Variants in TLL1 observed in about 807,000 individuals in gnomAD.
TLL1 encodes the protein tolloid-like protein 1.
A neutral mutation model predicts 128.2 loss-of-function variants in TLL1; 49 were observed. The ratio of observed to expected loss-of-function variants is 0.38; its 90% CI spans 0.30 to 0.48. The LOEUF (loss-of-function observed/expected upper bound fraction) is 0.48. TLL1 is among the 20% of genes least tolerant of loss of function. TLL1 has a pLI of 0.96. For missense variants in TLL1, 1,123 were observed against 1,242.0 expected (o/e 0.90, Z 1.44); for synonymous variants, 454 against 418.8 (o/e 1.08, Z -1.03).
chr4:166,059,952 A>C, intron 14 of TLL1, 76 bp from the exon 15 acceptor site: 3 of 1,532,448 alleles, frequency 2.0e-6, no homozygotes, highest in Non-Finnish European at 2.7e-6. Context: ...ATGTTTGGGT[A>C]TTAATTAATG....
intron 12 of TLL1, 52 bp from the exon 13 acceptor site, chr4:166,055,024 T>A: frequency 2.7e-6 from 4 of 1,472,758 alleles, no homozygotes; most frequent in Non-Finnish European, 3.7e-6. Flanking sequence ...TCCTCCTATA[T>A]AAAATGTTTT....
At chr4:165,958,235 A>G (rs1378869795) in intron 1 of TLL1, among the ~76,000 whole-genome samples, 6 of 143,132 alleles carry the variant, frequency 4.2e-5, no homozygotes, top group Non-Finnish European at 9.0e-5. Context: ...CAGTAATGGG[A>G]TGGCTGGGTC....
At chr4:165,918,877 G>A (rs1035640312) in intron 1 of TLL1, among the ~76,000 whole-genome samples, 6 of 152,024 alleles carry the variant, frequency 3.9e-5, no homozygotes, top group Non-Finnish European at 8.8e-5. Context: ...GAAGACCCTG[G>A]CGTAGCTCCA....
At chr4:165,942,102 G>A (rs1734042285) in intron 1 of TLL1, among the ~76,000 whole-genome samples, 1 of 151,984 alleles carries the variant, frequency 6.6e-6, no homozygotes, top group Non-Finnish European at 1.5e-5. Context: ...CTCAAATCAT[G>A]GTTTCTTCAT....
chr4:166,005,195 T>A (rs933361902), intron 6 of TLL1, among the ~76,000 whole-genome samples: 1 of 152,014 alleles, frequency 6.6e-6, no homozygotes, highest in African/African-American at 2.4e-5. Flanking sequence ...AACAGCATGT[T>A]TTTGAGAAAG....
chr4:165,971,551 A>G lies in TLL1; in HGVS notation c.170-17830A>G, dbSNP rs145636799. ...CAGCATTAGCTTAAAATTCAGTGGC[A>G]TTCTTGCCATGGCTTCTGGTAGAAA... On this transcript the variant is annotated intron_variant, in intron 1 of 20. Coordinates refer to ENST00000061240, the MANE Select transcript of TLL1 (RefSeq NM_012464.5). 1.2e-4 allele frequency among the ~76,000 whole-genome samples: 18 copies of G among 152,236 alleles called. No individual in the cohort carries two copies. In the East Asian group the frequency reaches 3.5e-3, roughly 29 times the overall value.
At chr4:165,961,727 C>T (rs758848981) in intron 1 of TLL1, among the ~76,000 whole-genome samples, 43 of 152,036 alleles carry the variant, frequency 2.8e-4, no homozygotes, top group Non-Finnish European at 3.5e-4. Context: ...GGAAAGGACA[C>T]CTTATTAAAT....
Position 165,961,290 on chromosome 4 carries a change from A to G in TLL1, c.170-28091A>G, listed in dbSNP as rs1209915343. 2.0e-5 allele frequency among the ~76,000 whole-genome samples: 3 copies of G among 152,188 alleles called. No individual in the cohort carries two copies. The East Asian group carries it at 5.8e-4, about 29-fold the overall frequency. The stretch of plus-strand genomic sequence containing the variant: ...GAGGTGAAAGATCTATACAAGGAGA[A>G]CTACAAAACACAGTTGAAAGAAATC... On this transcript the variant is annotated intron_variant, in intron 1 of 20. Coordinates refer to ENST00000061240, the MANE Select transcript of TLL1 (RefSeq NM_012464.5).
intron 1 of TLL1, among the ~76,000 whole-genome samples, chr4:165,988,660 G>A (rs544951681): frequency 6.6e-6 from 1 of 151,784 alleles, no homozygotes; most frequent in Admixed American, 6.6e-5. Flanking sequence ...TAATAATAGA[G>A]TCAGAGTGTT....
At chr4:166,027,659 C>A (rs1391796107) in intron 9 of TLL1, among the ~76,000 whole-genome samples, 1 of 152,074 alleles carries the variant, frequency 6.6e-6, no homozygotes, top group Non-Finnish European at 1.5e-5. Context: ...TTCTGAAGGT[C>A]ATTCTTACTA....
intron 1 of TLL1, among the ~76,000 whole-genome samples, chr4:165,962,598 C>T (rs80223765): frequency 2.8e-4 from 42 of 152,214 alleles, no homozygotes; most frequent in Non-Finnish European, 5.0e-4. Flanking sequence ...ATAAATTGAT[C>T]TACCAGATAT....
chr4:165,966,177 CAAAAA>C (rs35017995), intron 1 of TLL1, among the ~76,000 whole-genome samples: 19 of 116,190 alleles, frequency 1.6e-4, no homozygotes, highest in Admixed American at 1.8e-4. Flanking sequence ...GACTCCATCT[CAAAAA>C]AAAAAAAAAA....
chr4:166,054,938 A>T, intron 12 of TLL1, 138 bp from the exon 13 acceptor site: 1 of 660,752 alleles, frequency 1.5e-6, no homozygotes, highest in African/African-American at 1.8e-5. Flanking sequence ...TTCATGAGAA[A>T]CATTCAAGTA....
intron 1 of TLL1, among the ~76,000 whole-genome samples, chr4:165,903,447 C>A (rs1732094020): frequency 2.2e-5 from 3 of 135,844 alleles, no homozygotes; most frequent in Admixed American, 7.7e-5. Context: ...GAGTCTCACT[C>A]TGTCGCCCAG....
At chr4:166,091,089 GT>G (rs33952157) in intron 18 of TLL1, 38 bp from the exon 19 acceptor site, 408,183 of 1,554,058 alleles carry the variant, frequency 0.26, 56,010 homozygotes, top group East Asian at 0.43. Context: ...TGAGTGATTT[GT>G]TTTTTTTTAA....
At chr4:166,083,756 A>G (rs923209598) in intron 18 of TLL1, among the ~76,000 whole-genome samples, 10 of 65,142 alleles carry the variant, frequency 1.5e-4, no homozygotes, top group African/African-American at 3.1e-4. Context: ...TCCACTGTGT[A>G]TATATACCAC....
Position 165,968,744 on chromosome 4 carries a change from C to T in TLL1, c.170-20637C>T, listed in dbSNP as rs151000734. Among the ~76,000 whole-genome samples the T allele has an allele frequency of 4.6e-3, 700 of 152,088 alleles. 7 individuals carry two copies. Among genetic ancestry groups the T allele is most frequent in the African/African-American group, 0.015 (629 of 41,518 alleles). On this transcript the variant is annotated intron_variant, in intron 1 of 20. Transcript: ENST00000061240. The stretch of plus-strand genomic sequence containing the variant: ...GTCATAATGTTTTCTACCAAAATGT[C>T]GTTTTTTTCTATCTGTGAGATAGAA...
At chr4:165,896,958 T>C (rs1731710261) in intron 1 of TLL1, among the ~76,000 whole-genome samples, 2 of 152,244 alleles carry the variant, frequency 1.3e-5, no homozygotes, top group South Asian at 4.1e-4. Context: ...TGATGTGAGA[T>C]GGTATCTCAT....
At chr4:166,042,228 T>A in intron 11 of TLL1, 85 bp downstream of exon 11, 1 of 875,202 alleles carries the variant, frequency 1.1e-6, no homozygotes, top group Non-Finnish European at 1.9e-6. Flanking sequence ...AATGACATTG[T>A]GACCATATTG....
Sources: allele counts gnomAD v4.1 joint callset (sites outside exome capture counted in the v4.1 genomes callset), GRCh38; gene constraint gnomAD v4.1.1; transcripts MANE v1.5; gene names NCBI Gene and HGNC (gene_info 2026-07-23, HGNC 2026-07-21).